WDFY4: variants seen among roughly 807,000 people sequenced by gnomAD.
WDFY4 encodes WDFY family member 4.
A neutral mutation model predicts 351.9 loss-of-function variants in WDFY4; 169 were observed. That is an observed-to-expected ratio of 0.48 (90% CI 0.42 to 0.55). The LOEUF (loss-of-function observed/expected upper bound fraction) is 0.55, where lower values mean the gene tolerates loss of function less well. Ranked by LOEUF, WDFY4 falls within the 20% of genes least tolerant of loss-of-function variation. WDFY4 has a pLI of 0.00. For missense variants in WDFY4, 3,803 were observed against 3,935.6 expected, an observed-to-expected ratio of 0.97 and a Z score of 0.90; for synonymous variants, 1,622 against 1,574.6, an observed-to-expected ratio of 1.03 and a Z score of -0.71.
rs1421842931 is a variant in WDFY4 at position 48,946,165 on chromosome 10, G to T, written c.7867+8G>T. On this transcript the variant is annotated splice_region_variant and intron_variant, in intron 50 of 61. Coordinates refer to ENST00000325239, the MANE Select transcript of WDFY4 (RefSeq NM_001394531.1). ...AAGTTGAGAAAACTGAAGGTGAGTA[G>T]ATCCAGCTTGATTTTTGGTGCAGTG... The T allele has an allele frequency of 6.5e-7, 1 of 1,536,288 alleles. No homozygotes were observed.
intron 45 of WDFY4, among the ~76,000 whole-genome samples, chr10:48,897,903 T>C (rs1276169587): frequency 3.9e-5 from 6 of 152,214 alleles, no homozygotes; most frequent in Admixed American, 1.3e-4. Flanking sequence ...GCAGGACAGA[T>C]ACATTACCTC....
intron 2 of WDFY4, among the ~76,000 whole-genome samples, chr10:48,718,230 G>A (rs1017606737): frequency 1.3e-5 from 2 of 151,666 alleles, no homozygotes; most frequent in East Asian, 1.9e-4. Flanking sequence ...CTTTTTTCTC[G>A]TCTATTTTTA....
intron 57 of WDFY4, 105 bp downstream of exon 57, chr10:48,970,394 CACACCCTA>C: frequency 1.4e-6 from 2 of 1,439,078 alleles, no homozygotes; most frequent in Non-Finnish European, 1.9e-6. Context: ...GGTGCCGGAA[CACACCCTA>C]ACTCTGCTCA....
intron 39 of WDFY4, among the ~76,000 whole-genome samples, chr10:48,839,456 G>A (rs2068520987): frequency 6.6e-6 from 1 of 152,200 alleles, no homozygotes; most frequent in Admixed American, 6.5e-5. Context: ...TTAAGAGAGG[G>A]ATTTGGAGGT....
Position 48,743,072 on chromosome 10 carries a change from C to T in WDFY4, c.1983C>T (p.Leu661=). 1 of 1,551,696 alleles carries T rather than the reference C, an allele frequency of 6.4e-7. No individual in the cohort carries two copies. The highest frequency in any genetic ancestry group is 8.7e-7 in the Non-Finnish European group (1 of 1,146,990). ...LSLLSDLEGS[L]QEPPLQAWGA... ...TGCTCTCTGACCTGGAAGGCTCCCT[C>T]CAGGAGCCCCCGCTGCAGGCATGGG... The change falls in exon 12 of 62, where the codon CTC becomes CTT. Residue 661 remains leucine, a synonymous_variant. Transcript: ENST00000325239.
chr10:48,912,491 C>T (rs570145952), intron 47 of WDFY4, among the ~76,000 whole-genome samples: 3 of 152,362 alleles, frequency 2.0e-5, no homozygotes, highest in South Asian at 2.1e-4. Context: ...CAGCCCTGCA[C>T]ATCCACGACT....
chr10:48,943,429 C>G lies in WDFY4; in HGVS notation c.7729C>G (p.Leu2577Val), dbSNP rs1453225439. 8 of 1,551,750 alleles carry G rather than the reference C, an allele frequency of 5.2e-6. No individual in the cohort carries two copies. Among genetic ancestry groups the G allele is most frequent in the Non-Finnish European group, 7.0e-6 (8 of 1,147,022 alleles). ...GCAGTACCCAGTGTTCCCCTGGGTC[C>G]TCGCAGACTACACCTCAGAGGTAAG... ...YMQYPVFPWV[L>V]ADYTSETLNL... The change falls in exon 49 of 62, where the codon CTC becomes GTC. Residue 2577 changes from leucine (L) to valine (V), a missense_variant. By Grantham distance (32) the Leu-to-Val change is conservative (BLOSUM62 1). Transcript: ENST00000325239.
Position 48,822,447 on chromosome 10 carries a change from C to T in WDFY4, c.5892C>T (p.Phe1964=). 1 of 1,551,546 alleles carries T rather than the reference C, an allele frequency of 6.4e-7. No individual in the cohort carries two copies. The highest frequency in any genetic ancestry group is 8.7e-7 in the Non-Finnish European group (1 of 1,146,746). The change falls in exon 35 of 62, where the codon TTC becomes TTT. Residue 1964 remains phenylalanine (F), a synonymous_variant. Coordinates refer to ENST00000325239, the MANE Select transcript of WDFY4 (RefSeq NM_001394531.1). The part of the protein sequence containing the change: ...AAPSLANISC[F]TQKLVEKLYS... ...CTTCTCTTGCCAACATCTCCTGCTT[C>T]ACCCAGAAGCTGGTGGAGAAGCTGT... is the stretch of plus-strand genomic sequence containing the variant.
At chr10:48,835,598 A>G (rs1288679161) in intron 39 of WDFY4, among the ~76,000 whole-genome samples, 3 of 152,218 alleles carry the variant, frequency 2.0e-5, no homozygotes, top group Non-Finnish European at 2.9e-5. Context: ...AAATTTTGCA[A>G]CAGATTATGT....
At chr10:48,759,815 T>A (rs964926519) in intron 12 of WDFY4, among the ~76,000 whole-genome samples, 9 of 152,202 alleles carry the variant, frequency 5.9e-5, no homozygotes, top group Non-Finnish European at 1.3e-4. Flanking sequence ...TCACTGCCAG[T>A]TCATAGTGCT....
intron 11 of WDFY4, among the ~76,000 whole-genome samples, chr10:48,742,060 C>T (rs912924149): frequency 3.9e-5 from 6 of 152,040 alleles, no homozygotes; most frequent in Admixed American, 1.3e-4. Flanking sequence ...TCTCTCTCTT[C>T]CTCCCTCCTT....
At chr10:48,926,683 T>C (rs1483588119) in intron 47 of WDFY4, among the ~76,000 whole-genome samples, 1 of 152,264 alleles carries the variant, frequency 6.6e-6, no homozygotes, top group Non-Finnish European at 1.5e-5. Flanking sequence ...TATGTGGGTA[T>C]ATTTCTAAAT....
chr10:48,805,320 C>A lies in WDFY4; in HGVS notation c.4545C>A (p.Phe1515Leu). ...CACAGCTTATACCCAAGCTCATCTT[C>A]CTATTCAATGAGCCGAGCCTCATCC... ...HQAQLIPKLI[F>L]LFNEPSLIPS... The change falls in exon 26 of 62, where the codon TTC becomes TTA. Residue 1515 changes from phenylalanine (F) to leucine (L), a missense_variant. Transcript: ENST00000325239. 2 of 1,548,514 alleles carry A rather than the reference C, an allele frequency of 1.3e-6. No individual in the cohort carries two copies. Among genetic ancestry groups the A allele is most frequent in the Non-Finnish European group, 1.7e-6 (2 of 1,146,988 alleles).
At chr10:48,760,258 T>C (rs1244998053) in intron 12 of WDFY4, 89 bp from the exon 13 acceptor site, 1 of 1,195,034 alleles carries the variant, frequency 8.4e-7, no homozygotes, top group Non-Finnish European at 1.2e-6. Context: ...CCATGATCTG[T>C]CTTAGAAAGA....
chr10:48,809,256 CCAT>C lies in WDFY4; in HGVS notation c.4839-1268_4839-1266del, dbSNP rs372178363. Among the ~76,000 whole-genome samples, 50 of 150,304 alleles carry C rather than the reference CCAT, an allele frequency of 3.3e-4. No homozygotes were observed. In the South Asian group the frequency reaches 9.4e-3, roughly 28 times the overall value. On this transcript the variant is annotated intron_variant, in intron 28 of 61. Transcript: ENST00000325239. ...ACATTAATCACCATCACCACCACCACCATCATCACCATCATCACCACAACATTA... is the reference window on the plus strand; with the variant it reads ...ACATTAATCACCATCACCACCACCACCATCACCATCATCACCACAACATTA...
chr10:48,925,010 C>G (rs1476926383), intron 47 of WDFY4, among the ~76,000 whole-genome samples: 1 of 152,228 alleles, frequency 6.6e-6, no homozygotes, highest in Non-Finnish European at 1.5e-5. Context: ...CCCCCATAGA[C>G]ACTGCCATTT....
rs1171728939 is a variant in WDFY4, at chr10:48,957,304, C to T, written c.8131+22C>T. On this transcript the variant is annotated intron_variant, in intron 52 of 61. Transcript: ENST00000325239. The stretch of plus-strand genomic sequence containing the variant: ...TTCGGTAAGTGGAGGCCTGGTGAGG[C>T]CGGGTGAGTGGCGTTGCAGGGTGCT... The T allele has an allele frequency of 1.9e-6, 3 of 1,545,550 alleles. No individual in the cohort carries two copies. The East Asian group carries it at 7.4e-5, about 38-fold the overall frequency.
chr10:48,840,473 C>CACA (rs570364476), intron 39 of WDFY4, among the ~76,000 whole-genome samples: 1 of 150,938 alleles, frequency 6.6e-6, no homozygotes, highest in Admixed American at 6.6e-5. Context: ...ACACACACAC[C>CACA]CCCACTCTCT....
At chr10:48,894,291 C>T (rs891473306) in intron 44 of WDFY4, among the ~76,000 whole-genome samples, 1 of 152,158 alleles carries the variant, frequency 6.6e-6, no homozygotes, top group Non-Finnish European at 1.5e-5. Context: ...GTTGCAGAAA[C>T]AGTCAGCACA....
Sources: allele counts gnomAD v4.1 joint callset (sites outside exome capture counted in the v4.1 genomes callset), GRCh38; gene constraint gnomAD v4.1.1; transcripts MANE v1.5; gene names NCBI Gene and HGNC (gene_info 2026-07-23, HGNC 2026-07-21).